The following KHDRBS2 variants were observed in gnomAD, a reference collection of about 807,000 sequenced individuals.
KHDRBS2 encodes KH domain-containing, RNA-binding, signal transduction-associated protein 2.
A neutral mutation model predicts 44.3 loss-of-function variants in KHDRBS2; 26 were observed. That is an observed-to-expected ratio of 0.59 (90% CI 0.43 to 0.81). KHDRBS2 has a LOEUF of 0.81. Ranked by LOEUF, KHDRBS2 falls within the 40% of genes least tolerant of loss-of-function variation. The pLI is 0.00. For missense variants in KHDRBS2, 476 were observed against 433.1 expected (o/e 1.10, Z -0.88); for synonymous variants, 194 against 151.1 (o/e 1.28, Z -2.08).
At chr6:61,731,482 T>C (rs1333094225) in intron 7 of KHDRBS2, among the ~76,000 whole-genome samples, 1 of 152,094 alleles carries the variant, frequency 6.6e-6, no homozygotes, top group African/African-American at 2.4e-5. Flanking sequence ...GTATTCCCTC[T>C]AAATAAAATT....
chr6:61,865,903 A>T (rs1180047863), intron 6 of KHDRBS2, among the ~76,000 whole-genome samples: 1 of 152,216 alleles, frequency 6.6e-6, no homozygotes, highest in Non-Finnish European at 1.5e-5. Context: ...GGTCACGCTG[A>T]TGCAAGAGGT....
intron 6 of KHDRBS2, among the ~76,000 whole-genome samples, chr6:61,885,252 A>G (rs1409985811): frequency 6.6e-6 from 1 of 152,150 alleles, no homozygotes; most frequent in Non-Finnish European, 1.5e-5. Context: ...AGAAAAAAAA[A>G]AGAGTTGTTA....
intron 4 of KHDRBS2, among the ~76,000 whole-genome samples, chr6:61,954,683 C>T (rs1383771459): frequency 0.11 from 10,236 of 92,810 alleles, 1,341 homozygotes; most frequent in Non-Finnish European, 0.15. Flanking sequence ...CACATACATA[C>T]TTATGTATAC....
chr6:61,832,971 A>G (rs1210607677), intron 6 of KHDRBS2, among the ~76,000 whole-genome samples: 1 of 152,236 alleles, frequency 6.6e-6, no homozygotes, highest in Non-Finnish European at 1.5e-5. Flanking sequence ...TTAATTTTTT[A>G]TCAAAACCTT....
In KHDRBS2 at chr6:61,961,505, G is replaced by T. The variant is rs192142879; in HGVS notation, c.483+16561C>A. Reference sequence around the variant, plus strand: ...AAAGAGACAGTACTACAGGGCAAGGGGAATGAGGAGTGCTGGCAAGGGGAG... The same window carrying T: ...AAAGAGACAGTACTACAGGGCAAGGTGAATGAGGAGTGCTGGCAAGGGGAG... On this transcript the variant is annotated intron_variant, in intron 4 of 8. Transcript: ENST00000281156. 6.8e-4 allele frequency among the ~76,000 whole-genome samples: 104 copies of T among 152,138 alleles called. No individual in the cohort carries two copies. The East Asian group carries it at 0.018, about 26-fold the overall frequency.
Position 61,692,609 on chromosome 6 carries a change from A to C in KHDRBS2, c.952+4586T>G, listed in dbSNP as rs567126095. On this transcript the variant is annotated intron_variant, in intron 8 of 8. Coordinates refer to ENST00000281156, the MANE Select transcript of KHDRBS2 (RefSeq NM_152688.4). ...ATATAGGCCCCAAGGAGACAAATACAATTTCAGTTTTCATACACAAAACAT... is the reference window on the plus strand; with the variant it reads ...ATATAGGCCCCAAGGAGACAAATACCATTTCAGTTTTCATACACAAAACAT... Among the ~76,000 whole-genome samples the C allele has an allele frequency of 3.3e-5, 5 of 152,242 alleles. No individual in the cohort carries two copies. The South Asian group carries it at 6.2e-4, about 19-fold the overall frequency.
At chr6:61,634,035 C>T in the KHDRBS2 span, among the ~76,000 whole-genome samples, 2 of 151,848 alleles carry the variant, frequency 1.3e-5, no homozygotes, top group Non-Finnish European at 2.9e-5. Flanking sequence ...ATTTATTAAC[C>T]ACATTTTTAG....
chr6:62,013,939 G>A (rs1780747745), intron 3 of KHDRBS2, among the ~76,000 whole-genome samples: 1 of 152,168 alleles, frequency 6.6e-6, no homozygotes, highest in African/African-American at 2.4e-5. Flanking sequence ...GATGTTCCCT[G>A]CTCCACAGTT....
chr6:61,722,408 A>T (rs986533396), intron 7 of KHDRBS2, among the ~76,000 whole-genome samples: 2 of 152,138 alleles, frequency 1.3e-5, no homozygotes, highest in African/African-American at 2.4e-5. Flanking sequence ...CCTTTGTAGG[A>T]TTGTTACCTT....
At chr6:62,059,048 C>T (rs1257194065) in intron 2 of KHDRBS2, among the ~76,000 whole-genome samples, 2 of 151,496 alleles carry the variant, frequency 1.3e-5, no homozygotes, top group East Asian at 2.0e-4. Context: ...TTTCAGAAAA[C>T]TTAGAACTCC....
At chr6:62,007,114 G>A (rs948688089) in intron 3 of KHDRBS2, among the ~76,000 whole-genome samples, 1 of 151,940 alleles carries the variant, frequency 6.6e-6, no homozygotes, top group Non-Finnish European at 1.5e-5. Flanking sequence ...TAACCACAAG[G>A]GTTGGGAAGG....
At chr6:61,961,174 G>T (rs2653937) in intron 4 of KHDRBS2, among the ~76,000 whole-genome samples, 1 of 151,892 alleles carries the variant, frequency 6.6e-6, no homozygotes, top group South Asian at 2.1e-4. Flanking sequence ...ACTTTCATTC[G>T]TTGATTAAGC....
chr6:62,285,076 A>G (rs1324166643), intron 1 of KHDRBS2, among the ~76,000 whole-genome samples: 1 of 152,236 alleles, frequency 6.6e-6, no homozygotes, highest in Admixed American at 6.5e-5. Context: ...GCATTATTAT[A>G]ACATAAATGG....
chr6:61,703,299 T>G (rs747041239), intron 7 of KHDRBS2, among the ~76,000 whole-genome samples: 4 of 151,866 alleles, frequency 2.6e-5, no homozygotes, highest in Non-Finnish European at 4.4e-5. Flanking sequence ...TTCATTTTAT[T>G]ATTTTATTGC....
the KHDRBS2 span, among the ~76,000 whole-genome samples, chr6:61,668,581 G>A: frequency 1.3e-5 from 2 of 150,918 alleles, no homozygotes; most frequent in Non-Finnish European, 3.0e-5. Context: ...TGTTTTATGT[G>A]ATAAACAGTA....
At chr6:61,635,034 A>T in the KHDRBS2 span, among the ~76,000 whole-genome samples, 7 of 151,992 alleles carry the variant, frequency 4.6e-5, no homozygotes. Flanking sequence ...AACAAAATCA[A>T]AATTCCTGTG....
At chr6:61,805,434 G>A (rs1412287034) in intron 6 of KHDRBS2, among the ~76,000 whole-genome samples, 7 of 152,066 alleles carry the variant, frequency 4.6e-5, no homozygotes. Context: ...ACCTACCAAT[G>A]GTTCCAACCT....
At chr6:62,006,832 T>A (rs1779323032) in intron 3 of KHDRBS2, among the ~76,000 whole-genome samples, 1 of 151,964 alleles carries the variant, frequency 6.6e-6, no homozygotes, top group South Asian at 2.1e-4. Context: ...CAAAGGATGA[T>A]GGTGGAATCA....
the KHDRBS2 span, among the ~76,000 whole-genome samples, chr6:61,577,956 A>G: frequency 2.0e-5 from 3 of 152,184 alleles, no homozygotes; most frequent in Non-Finnish European, 4.4e-5. Flanking sequence ...ATCAAACACT[A>G]TAAGTAAATA....
Sources: allele counts gnomAD v4.1 joint callset (sites outside exome capture counted in the v4.1 genomes callset), GRCh38; gene constraint gnomAD v4.1.1; transcripts MANE v1.5; gene names NCBI Gene and HGNC (gene_info 2026-07-23, HGNC 2026-07-21).